Variants in SAMD12 observed in about 807,000 individuals in gnomAD.
The protein encoded by SAMD12 is sterile alpha motif domain-containing protein 12.
Under a neutral mutation model 15.0 loss-of-function variants are expected in SAMD12, and 9 were observed. The observed-to-expected ratio is 0.60, with a 90% CI of 0.36 to 1.05. The LOEUF is 1.05. Among genes scored for constraint, SAMD12 ranks in the 50% least tolerant of loss-of-function variants. The pLI is 0.01. For missense variants in SAMD12, 230 were observed against 234.2 expected (o/e 0.98, Z 0.12); for synonymous variants, 86 against 90.1 (o/e 0.96, Z 0.25).
chr8:118,277,502 CT>C (rs1404637402), intron 4 of SAMD12, among the ~76,000 whole-genome samples: 1 of 151,132 alleles, frequency 6.6e-6, no homozygotes, highest in Non-Finnish European at 1.5e-5. Context: ...CAATCATTTC[CT>C]TATGTAGTTT....
the SAMD12 span, among the ~76,000 whole-genome samples, chr8:118,139,085 A>C: frequency 0.059 from 9,053 of 152,214 alleles, 453 homozygotes; most frequent in Admixed American, 0.14. Flanking sequence ...GAGGTGGTGG[A>C]AATGGATATT....
At chr8:118,222,527 T>C (rs148124337) in intron 4 of SAMD12, among the ~76,000 whole-genome samples, 3 of 152,272 alleles carry the variant, frequency 2.0e-5, no homozygotes, top group African/African-American at 7.2e-5. Flanking sequence ...CTTTTTGAGA[T>C]GGAGTTTTGC....
downstream of SAMD12, among the ~76,000 whole-genome samples, chr8:118,187,742 T>G (rs1819268419): frequency 6.6e-6 from 1 of 152,162 alleles, no homozygotes. Context: ...GGGGAGAACA[T>G]GTTAACTAAA....
chr8:118,496,264 G>A (rs1824606289), intron 2 of SAMD12, among the ~76,000 whole-genome samples: 4 of 151,894 alleles, frequency 2.6e-5, no homozygotes, highest in Admixed American at 1.3e-4. Flanking sequence ...AGTAGATAAA[G>A]CAATCCTGAG....
chr8:118,574,964 T>C (rs1353315643), intron 2 of SAMD12, among the ~76,000 whole-genome samples: 1 of 152,226 alleles, frequency 6.6e-6, no homozygotes, highest in Non-Finnish European at 1.5e-5. Context: ...AGCAATGTAA[T>C]TTGATCAAGG....
chr8:118,209,664 G>A (rs909308184), intron 4 of SAMD12, among the ~76,000 whole-genome samples: 3 of 152,170 alleles, frequency 2.0e-5, no homozygotes, highest in Admixed American at 6.5e-5. Context: ...TGAAGCTGAA[G>A]GTTTAATGAG....
At chr8:118,525,198 C>T (rs1219782196) in intron 2 of SAMD12, among the ~76,000 whole-genome samples, 1 of 152,132 alleles carries the variant, frequency 6.6e-6, no homozygotes, top group African/African-American at 2.4e-5. Flanking sequence ...TGTGTTTCCT[C>T]TGTTGTGATG....
chr8:118,532,682 C>G lies in SAMD12; in HGVS notation c.192+48033G>C, dbSNP rs181653704. On this transcript the variant is annotated intron_variant, in intron 2 of 3. Transcript: ENST00000314727. ...TTAGTCTTGGGAGGGTGTATGTGTC[C>G]AGGAATTTATCAGTTTCCTCTAGAT... 3.4e-3 allele frequency among the ~76,000 whole-genome samples: 512 copies of G among 152,194 alleles called. 4 individuals carry two copies. The highest frequency in any genetic ancestry group is 7.2e-3 in the African/African-American group (297 of 41,520).
At chr8:118,284,978 G>A (rs1018141197) in intron 4 of SAMD12, 11 of 150,150 alleles carry the variant, frequency 7.3e-5, no homozygotes, top group African/African-American at 2.4e-4. Flanking sequence ...AAGAAGCAGT[G>A]AATCAAAATT....
intron 2 of SAMD12, among the ~76,000 whole-genome samples, chr8:118,441,125 G>A (rs1225024177): frequency 3.9e-5 from 6 of 151,974 alleles, no homozygotes; most frequent in Admixed American, 1.3e-4. Context: ...TGTTGTTGTT[G>A]TTTCCTTGAC....
intron 4 of SAMD12, among the ~76,000 whole-genome samples, chr8:118,222,529 G>T (rs1030998236): frequency 6.6e-6 from 1 of 152,046 alleles, no homozygotes; most frequent in East Asian, 1.9e-4. Context: ...TTTTGAGATG[G>T]AGTTTTGCTC....
intron 2 of SAMD12, among the ~76,000 whole-genome samples, chr8:118,450,460 G>A (rs1040610921): frequency 6.6e-6 from 1 of 152,156 alleles, no homozygotes; most frequent in African/African-American, 2.4e-5. Context: ...CACTCTACGG[G>A]AGGTGCTGTG....
intron 3 of SAMD12, among the ~76,000 whole-genome samples, chr8:118,418,666 C>G (rs1338512355): frequency 6.6e-6 from 1 of 151,830 alleles, no homozygotes; most frequent in African/African-American, 2.4e-5. Context: ...TTGCAGTGAG[C>G]CGAGATTGCG....
chr8:118,563,181 C>A (rs1826757009), intron 2 of SAMD12, among the ~76,000 whole-genome samples: 1 of 152,166 alleles, frequency 6.6e-6, no homozygotes, highest in Admixed American at 6.5e-5. Context: ...AATTTAAAAG[C>A]AAGCCGCCTA....
At chr8:118,312,458 A>G (rs916265466) in intron 4 of SAMD12, among the ~76,000 whole-genome samples, 30 of 152,158 alleles carry the variant, frequency 2.0e-4, no homozygotes, top group African/African-American at 7.2e-4. Flanking sequence ...CATCTCATGA[A>G]TATTTACAGG....
intron 2 of SAMD12, among the ~76,000 whole-genome samples, chr8:118,557,313 T>C (rs1204415263): frequency 6.6e-6 from 1 of 152,230 alleles, no homozygotes; most frequent in African/African-American, 2.4e-5. Flanking sequence ...ATCATGACTG[T>C]AAGTTTCCTA....
intron 1 of SAMD12, among the ~76,000 whole-genome samples, chr8:118,612,495 C>T (rs1828134063): frequency 6.6e-6 from 1 of 152,206 alleles, no homozygotes; most frequent in African/African-American, 2.4e-5. Flanking sequence ...AAACTCACCT[C>T]TGGACAACTG....
rs910223561 is a variant in SAMD12, at chr8:118,434,907, C to T, written c.322+4925G>A. Among the ~76,000 whole-genome samples, 6 of 30,136 alleles carry T rather than the reference C, an allele frequency of 2.0e-4. 2 individuals are homozygous for T. The highest frequency in any genetic ancestry group is 2.3e-3 in the South Asian group (2 of 874). The allele number at this position is 30,136 out of a possible 152,430, so 19.8% of individuals were successfully genotyped here. A position where few individuals can be genotyped will look rare whatever the true frequency, so the allele number is the denominator to read the frequency against. ...CGAGGTCAGGAGATCGAGACCATCC[C>T]GGCTAAAAAAACGGTGAAACCCCGT... On this transcript the variant is annotated intron_variant, in intron 3 of 3. Transcript: ENST00000314727.
intron 4 of SAMD12, among the ~76,000 whole-genome samples, chr8:118,337,813 G>A (rs1210799794): frequency 3.3e-5 from 5 of 152,156 alleles, no homozygotes; most frequent in African/African-American, 4.8e-5. Flanking sequence ...AAGAGAAGCC[G>A]TACATTGATT....
Sources: gnomAD v4.1 joint callset for allele counts (sites outside exome capture counted in the v4.1 genomes callset) on GRCh38, gnomAD v4.1.1 for gene constraint, MANE v1.5 for transcripts, NCBI Gene and HGNC (gene_info 2026-07-23, HGNC 2026-07-21) for gene names.